The following APBA1 variants were observed in gnomAD, a reference collection of about 807,000 sequenced individuals.
The protein encoded by APBA1 is amyloid beta precursor protein binding family A member 1.
A neutral mutation model predicts 86.6 loss-of-function variants in APBA1; 55 were observed. The observed-to-expected ratio is 0.64, with a 90% CI of 0.51 to 0.80. APBA1 has a LOEUF of 0.80. Ranked by LOEUF, APBA1 falls within the 30% of genes least tolerant of loss-of-function variation. APBA1 has a pLI of 0.00. For synonymous variants in APBA1, 511 were observed against 493.9 expected, an observed-to-expected ratio of 1.03 and a Z score of -0.46; for missense variants, 1,090 against 1,183.0, an observed-to-expected ratio of 0.92 and a Z score of 1.15.
chr9:69,566,465 G>A (rs1008160846), intron 1 of APBA1, among the ~76,000 whole-genome samples: 1 of 152,160 alleles, frequency 6.6e-6, no homozygotes, highest in Non-Finnish European at 1.5e-5. Flanking sequence ...GTGCTTATTG[G>A]TGCTTGGTAA....
chr9:69,562,717 G>C (rs909161686), intron 1 of APBA1, among the ~76,000 whole-genome samples: 2 of 151,896 alleles, frequency 1.3e-5, no homozygotes, highest in African/African-American at 4.8e-5. Flanking sequence ...TTAATTTAAG[G>C]ATTAAAAAAA....
At chr9:69,432,441 T>A in intron 12 of APBA1, 95 bp downstream of exon 12, 2 of 1,279,020 alleles carry the variant, frequency 1.6e-6, no homozygotes, top group East Asian at 5.8e-5. Flanking sequence ...TCAGGGAGCT[T>A]TCCTGGAAGG....
chr9:69,575,637 G>A (rs1039594953), intron 1 of APBA1, among the ~76,000 whole-genome samples: 1 of 152,172 alleles, frequency 6.6e-6, no homozygotes, highest in African/African-American at 2.4e-5. Context: ...ATGGTGCTGG[G>A]AAAATTGGCT....
intron 1 of APBA1, among the ~76,000 whole-genome samples, chr9:69,558,328 T>C (rs138436446): frequency 2.6e-4 from 40 of 152,192 alleles, no homozygotes; most frequent in African/African-American, 8.7e-4. Flanking sequence ...AAATTATACT[T>C]ATATTGTGAT....
chr9:69,562,170 T>C (rs779147005), intron 1 of APBA1, among the ~76,000 whole-genome samples: 5 of 152,230 alleles, frequency 3.3e-5, no homozygotes, highest in Non-Finnish European at 5.9e-5. Context: ...ATACAACGTA[T>C]ACGTGTAAAG....
At chr9:69,544,026 G>A (rs1836658997) in intron 1 of APBA1, among the ~76,000 whole-genome samples, 1 of 152,170 alleles carries the variant, frequency 6.6e-6, no homozygotes, top group South Asian at 2.1e-4. Context: ...TTTGTTGCAA[G>A]AATAAAATTA....
Position 69,467,934 on chromosome 9 carries a change from A to G in APBA1, c.1371T>C (p.Asp457=), listed in dbSNP as rs1404675100. 1.9e-6 allele frequency: 3 copies of G among 1,614,058 alleles called. No homozygotes were observed. ...GGTAATTGGCGGCAAAAATGATTCC[A>G]TCGATCAAGTCTTCGGGGTCGCAGG... is the stretch of plus-strand genomic sequence containing the variant. ...PGPCDPEDLI[D]GIIFAANYLG... Residue 457 remains aspartate, a synonymous_variant, in exon 5 of 13, where the codon GAT becomes GAC. Transcript: ENST00000265381.
At chr9:69,649,544 CAT>C (rs1362588709) in intron 1 of APBA1, among the ~76,000 whole-genome samples, 2 of 152,146 alleles carry the variant, frequency 1.3e-5, no homozygotes, top group Non-Finnish European at 2.9e-5. Flanking sequence ...GGTGATGACA[CAT>C]GTGTGGTTTT....
intron 1 of APBA1, among the ~76,000 whole-genome samples, chr9:69,574,372 C>T (rs1216218397): frequency 6.6e-6 from 1 of 152,196 alleles, no homozygotes; most frequent in Non-Finnish European, 1.5e-5. Flanking sequence ...GTTTCCCCTC[C>T]TTCTGTGGAC....
chr9:69,583,821 T>C (rs1373855529), intron 1 of APBA1, among the ~76,000 whole-genome samples: 1 of 152,204 alleles, frequency 6.6e-6, no homozygotes, highest in Non-Finnish European at 1.5e-5. Flanking sequence ...ACGAGCCAGC[T>C]GGGGAACCCC....
At chr9:69,515,494 A>G (rs1429474852) in intron 2 of APBA1, among the ~76,000 whole-genome samples, 1 of 152,082 alleles carries the variant, frequency 6.6e-6, no homozygotes, top group African/African-American at 2.4e-5. Flanking sequence ...CTAACTCTAG[A>G]GACCCTTAAA....
chr9:69,563,189 C>G (rs1326934887), intron 1 of APBA1, among the ~76,000 whole-genome samples: 2 of 152,132 alleles, frequency 1.3e-5, no homozygotes. Context: ...AAATCTGAAT[C>G]ATATATTTTC....
chr9:69,663,784 C>T (rs1823796518), intron 1 of APBA1, among the ~76,000 whole-genome samples: 1 of 152,046 alleles, frequency 6.6e-6, no homozygotes, highest in African/African-American at 2.4e-5. Context: ...GGTTTTGCCA[C>T]CATACCTTGA....
chr9:69,565,533 A>G (rs1410177840), intron 1 of APBA1, among the ~76,000 whole-genome samples: 1 of 152,192 alleles, frequency 6.6e-6, no homozygotes. Context: ...TGGCAGTCCC[A>G]CACTGCCCAC....
chr9:69,473,816 C>T (rs1395844828), intron 3 of APBA1, among the ~76,000 whole-genome samples: 1 of 151,994 alleles, frequency 6.6e-6, no homozygotes, highest in African/African-American at 2.4e-5. Flanking sequence ...GAGCTCATGA[C>T]TAGCTTTCTT....
At chr9:69,584,443 T>C (rs1055974371) in intron 1 of APBA1, among the ~76,000 whole-genome samples, 1 of 152,252 alleles carries the variant, frequency 6.6e-6, no homozygotes, top group African/African-American at 2.4e-5. Context: ...TTTACTAATG[T>C]ACCATTATAG....
chr9:69,593,744 A>C (rs1322778206), intron 1 of APBA1, among the ~76,000 whole-genome samples: 1 of 152,236 alleles, frequency 6.6e-6, no homozygotes, highest in Admixed American at 6.5e-5. Context: ...ATGAAAATCA[A>C]AGTAGATAAG....
intron 2 of APBA1, among the ~76,000 whole-genome samples, chr9:69,515,707 G>A (rs931787554): frequency 7.6e-6 from 1 of 130,768 alleles, no homozygotes; most frequent in Non-Finnish European, 1.6e-5. Flanking sequence ...GGGGGGGGCG[G>A]GGGGTGGAGG....
chr9:69,471,402 TG>T (rs1835364058), intron 4 of APBA1, among the ~76,000 whole-genome samples: 2 of 152,200 alleles, frequency 1.3e-5, no homozygotes, highest in South Asian at 2.1e-4. Context: ...TGCATGACAC[TG>T]GGTAAAGCCC....
Sources: gnomAD v4.1 joint callset for allele counts (sites outside exome capture counted in the v4.1 genomes callset) on GRCh38, gnomAD v4.1.1 for gene constraint, MANE v1.5 for transcripts, NCBI Gene and HGNC (gene_info 2026-07-23, HGNC 2026-07-21) for gene names.